Variants in AOAH observed in about 807,000 individuals in gnomAD.
The protein encoded by AOAH is acyloxyacyl hydrolase (neutrophil).
AOAH carries 64 observed loss-of-function variants against 92.2 expected under a neutral mutation model. The observed-to-expected ratio is 0.69, with a 90% CI of 0.57 to 0.86. The LOEUF (loss-of-function observed/expected upper bound fraction) is 0.86. AOAH is among the 40% of genes least tolerant of loss of function. AOAH has a pLI of 0.00. For synonymous variants in AOAH, 263 were observed against 254.5 expected (o/e 1.03, Z -0.32); for missense variants, 656 against 694.6 (o/e 0.94, Z 0.62).
intron 3 of AOAH, among the ~76,000 whole-genome samples, chr7:36,659,755 CTTTTTTTTTT>C (rs112482487): frequency 7.8e-6 from 1 of 127,982 alleles, no homozygotes; most frequent in Non-Finnish European, 1.6e-5. Flanking sequence ...TTTTTTCTTT[CTTTTTTTTTT>C]TTTTTTTTCC....
At chr7:36,671,960 G>C (rs1795966772) in intron 3 of AOAH, among the ~76,000 whole-genome samples, 1 of 152,110 alleles carries the variant, frequency 6.6e-6, no homozygotes, top group Non-Finnish European at 1.5e-5. Context: ...CGTTAAGGGA[G>C]TACCATAGTT....
intron 1 of AOAH, among the ~76,000 whole-genome samples, chr7:36,716,984 A>G (rs1293165547): frequency 6.9e-6 from 1 of 145,332 alleles, no homozygotes; most frequent in Non-Finnish European, 1.5e-5. Context: ...AAATAAATAA[A>G]TAAATAAATA....
intron 10 of AOAH, among the ~76,000 whole-genome samples, chr7:36,617,832 C>A (rs1222404528): frequency 6.6e-6 from 1 of 152,188 alleles, no homozygotes; most frequent in African/African-American, 2.4e-5. Flanking sequence ...TATAGTCTGG[C>A]AGTCTCTCTG....
intron 11 of AOAH, among the ~76,000 whole-genome samples, chr7:36,606,008 G>A (rs1790974405): frequency 6.6e-6 from 1 of 152,204 alleles, no homozygotes; most frequent in Non-Finnish European, 1.5e-5. Context: ...CTGAGGAGCA[G>A]AAGATGTGAT....
chr7:36,638,444 C>A (rs1793674711), intron 4 of AOAH, among the ~76,000 whole-genome samples: 1 of 152,178 alleles, frequency 6.6e-6, no homozygotes, highest in Non-Finnish European at 1.5e-5. Context: ...GATCTCCTGT[C>A]CTCTTTCAAC....
intron 1 of AOAH, among the ~76,000 whole-genome samples, chr7:36,714,246 C>T (rs1584181457): frequency 6.6e-6 from 1 of 152,208 alleles, no homozygotes; most frequent in South Asian, 2.1e-4. Flanking sequence ...ATAAATTCCT[C>T]AACACATACA....
At chr7:36,593,678 T>C (rs987731490) in intron 12 of AOAH, among the ~76,000 whole-genome samples, 2 of 152,236 alleles carry the variant, frequency 1.3e-5, no homozygotes, top group African/African-American at 4.8e-5. Flanking sequence ...CTCATATCTG[T>C]GACATTCTCC....
intron 4 of AOAH, among the ~76,000 whole-genome samples, chr7:36,642,056 T>C (rs1209874807): frequency 2.0e-5 from 3 of 152,096 alleles, no homozygotes; most frequent in African/African-American, 7.2e-5. Flanking sequence ...GAATTTTGAA[T>C]TGTCTCACCT....
intron 7 of AOAH, among the ~76,000 whole-genome samples, chr7:36,622,950 G>A (rs964219184): frequency 6.6e-6 from 1 of 152,176 alleles, no homozygotes; most frequent in African/African-American, 2.4e-5. Flanking sequence ...GGAGGCACGA[G>A]AAGTACTTGA....
chr7:36,712,253 G>A (rs1211034592), intron 1 of AOAH, among the ~76,000 whole-genome samples: 2 of 152,126 alleles, frequency 1.3e-5, no homozygotes, highest in Admixed American at 6.5e-5. Flanking sequence ...TGAAGTCATC[G>A]TGAACCACTC....
At chr7:36,635,809 C>T (rs1793482714) in intron 5 of AOAH, among the ~76,000 whole-genome samples, 1 of 152,092 alleles carries the variant, frequency 6.6e-6, no homozygotes, top group African/African-American at 2.4e-5. Flanking sequence ...ATAACTTAAC[C>T]TACCCGAGAC....
Position 36,533,359 on chromosome 7 carries a change from T to C in AOAH, c.1307-1015A>G, listed in dbSNP as rs570987353. On this transcript the variant is annotated intron_variant, in intron 16 of 20. Transcript: ENST00000617537. Reference sequence around the variant, plus strand: ...GATTGAAGGTGATAGAACACAGTCTTATTTTTCACTTATACCTCTGATTAG... The same window carrying C: ...GATTGAAGGTGATAGAACACAGTCTCATTTTTCACTTATACCTCTGATTAG... Among the ~76,000 whole-genome samples, 6 of 152,278 alleles carry C rather than the reference T, an allele frequency of 3.9e-5. No homozygotes were observed. The South Asian group carries it at 6.2e-4, about 16-fold the overall frequency.
chr7:36,547,298 T>A (rs1459602576), intron 15 of AOAH, among the ~76,000 whole-genome samples: 1 of 152,218 alleles, frequency 6.6e-6, no homozygotes, highest in Admixed American at 6.5e-5. Flanking sequence ...GGCACCAAGG[T>A]GACATCTGGC....
intron 15 of AOAH, among the ~76,000 whole-genome samples, chr7:36,540,744 G>A (rs1464021617): frequency 6.6e-6 from 1 of 152,200 alleles, no homozygotes; most frequent in Non-Finnish European, 1.5e-5. Context: ...GAAGTGACAT[G>A]TGTCATATTT....
intron 13 of AOAH, among the ~76,000 whole-genome samples, chr7:36,560,216 CT>C (rs775431029): frequency 2.2e-3 from 340 of 151,874 alleles, no homozygotes; most frequent in Non-Finnish European, 3.7e-3. Context: ...TCTATTCAGG[CT>C]TTTTTTTGGT....
At chr7:36,563,858 A>G (rs73097496) in intron 13 of AOAH, among the ~76,000 whole-genome samples, 16,054 of 152,222 alleles carry the variant, frequency 0.11, 1,120 homozygotes, top group Middle Eastern at 0.16. Context: ...AGGCAGAAAC[A>G]TTGAGACTAC....
intron 4 of AOAH, among the ~76,000 whole-genome samples, chr7:36,655,675 C>T (rs1238196013): frequency 1.3e-5 from 2 of 152,164 alleles, no homozygotes; most frequent in Non-Finnish European, 2.9e-5. Context: ...GAGGCCTTCA[C>T]ATGAGGAAAG....
intron 16 of AOAH, 80 bp from the exon 17 acceptor site, chr7:36,532,424 C>G: frequency 2.3e-6 from 3 of 1,332,668 alleles, no homozygotes; most frequent in Non-Finnish European, 3.2e-6. Flanking sequence ...TTCCCTGCCT[C>G]CCTTGCAGAA....
chr7:36,641,110 G>A (rs1040764149), intron 4 of AOAH, among the ~76,000 whole-genome samples: 20 of 152,216 alleles, frequency 1.3e-4, no homozygotes, highest in African/African-American at 3.9e-4. Context: ...ACTTTACAGC[G>A]CAGTCCACCC....
Sources: allele counts gnomAD v4.1 joint callset (sites outside exome capture counted in the v4.1 genomes callset), GRCh38; gene constraint gnomAD v4.1.1; transcripts MANE v1.5; gene names NCBI Gene and HGNC (gene_info 2026-07-23, HGNC 2026-07-21).